ADAM18: variants seen among roughly 807,000 people sequenced by gnomAD.
ADAM18 encodes the protein disintegrin and metalloproteinase domain-containing protein 18.
In ADAM18, 117 loss-of-function variants were observed where a neutral mutation model predicts 94.4. The ratio of observed to expected loss-of-function variants is 1.24; its 90% CI spans 1.07 to 1.45. ADAM18 has a LOEUF of 1.45. Among genes scored for constraint, ADAM18 ranks in the 40% most tolerant of loss-of-function variants. ADAM18 has a pLI of 0.00. For synonymous variants in ADAM18, 327 were observed against 291.6 expected (o/e 1.12, Z -1.24); for missense variants, 936 against 880.0 (o/e 1.06, Z -0.81).
chr8:39,598,239 T>C (rs1171621719), intron 2 of ADAM18, among the ~76,000 whole-genome samples: 1 of 152,078 alleles, frequency 6.6e-6, no homozygotes, highest in African/African-American at 2.4e-5. Context: ...ATTTCTTTTT[T>C]CCCAATCTAG....
At chr8:39,600,450 T>C (rs1217303337) in intron 2 of ADAM18, among the ~76,000 whole-genome samples, 1 of 152,168 alleles carries the variant, frequency 6.6e-6, no homozygotes, top group Non-Finnish European at 1.5e-5. Flanking sequence ...TGGCATAAAA[T>C]AAGGTATATC....
rs1024930190 is a variant in ADAM18, at chr8:39,705,936, T to C, written c.1903-854T>C. On this transcript the variant is annotated intron_variant, in intron 17 of 19. Coordinates refer to ENST00000265707, the MANE Select transcript of ADAM18 (RefSeq NM_014237.3). ...ATTATTTGGTAAAAATCTATTAATG[T>C]ATATGTGTGTTTGTGGATGTGAGTA... Among the ~76,000 whole-genome samples the C allele has an allele frequency of 7.1e-4, 108 of 152,100 alleles. 1 individual carries two copies. Among genetic ancestry groups the C allele is most frequent in the Non-Finnish European group, 1.3e-4 (9 of 67,954 alleles).
intron 2 of ADAM18, among the ~76,000 whole-genome samples, chr8:39,595,187 G>A (rs889354099): frequency 6.6e-6 from 1 of 152,086 alleles, no homozygotes; most frequent in Non-Finnish European, 1.5e-5. Context: ...ACCCCATGCT[G>A]TGGTTGAGCC....
intron 12 of ADAM18, among the ~76,000 whole-genome samples, chr8:39,655,296 A>G (rs1373248871): frequency 6.6e-6 from 1 of 152,138 alleles, no homozygotes. Context: ...TTCTTTTCCC[A>G]GTGTATGTTG....
At chr8:39,601,149 C>A (rs1374168497) in intron 2 of ADAM18, among the ~76,000 whole-genome samples, 1 of 152,148 alleles carries the variant, frequency 6.6e-6, no homozygotes, top group Admixed American at 6.5e-5. Context: ...AAGAACAGCA[C>A]CAAAAGGGAA....
rs1042097565 is a variant in ADAM18 at position 39,636,096 on chromosome 8, G to A, written c.589-1168G>A. Among the ~76,000 whole-genome samples, 15 of 149,002 alleles carry A rather than the reference G, an allele frequency of 1.0e-4. No individual in the cohort carries two copies. In the East Asian group the frequency reaches 1.2e-3, roughly 12 times the overall value. ...TGCAGTGACAAAATCATAGCTCACC[G>A]CAATCTCGAACTTCTGGCCTCAACC... On this transcript the variant is annotated intron_variant, in intron 7 of 19. Coordinates refer to ENST00000265707, the MANE Select transcript of ADAM18 (RefSeq NM_014237.3).
chr8:39,670,544 G>C (rs892734266), intron 14 of ADAM18, among the ~76,000 whole-genome samples: 2 of 152,130 alleles, frequency 1.3e-5, no homozygotes, highest in African/African-American at 4.8e-5. Flanking sequence ...TGAAATATAA[G>C]TAGATTTGCT....
intron 2 of ADAM18, among the ~76,000 whole-genome samples, chr8:39,596,780 G>T (rs1818752358): frequency 6.6e-6 from 1 of 152,154 alleles, no homozygotes; most frequent in Admixed American, 6.5e-5. Flanking sequence ...CTATTATTTT[G>T]CATTTCTACA....
rs189144553 is a variant in ADAM18, at chr8:39,624,113, G to C, written c.523-5261G>C. Among the ~76,000 whole-genome samples the C allele has an allele frequency of 1.3e-4, 20 of 152,168 alleles. No individual in the cohort carries two copies. In the East Asian group the frequency reaches 3.9e-3, roughly 29 times the overall value. On this transcript the variant is annotated intron_variant, in intron 6 of 19. Coordinates refer to ENST00000265707, the MANE Select transcript of ADAM18 (RefSeq NM_014237.3). The stretch of plus-strand genomic sequence containing the variant: ...CTCCCCTTCTTTAGGTTGTCTGTTT[G>C]TTCTGATGATTACTTCTTTTTCTGT...
In ADAM18 at chr8:39,609,476, GT is replaced by G; in HGVS notation, c.268-4del. ...ATTTATATACTTGCCTTTCTATACT[GT>G]TTTTCAGATGCATTGCCATTACCAA... On this transcript the variant is annotated splice_region_variant and splice_polypyrimidine_tract_variant and intron_variant, in intron 4 of 19. Coordinates refer to ENST00000265707, the MANE Select transcript of ADAM18 (RefSeq NM_014237.3). 1 of 1,605,630 alleles carries G rather than the reference GT, an allele frequency of 6.2e-7. No individual in the cohort carries two copies. Among genetic ancestry groups the G allele is most frequent in the South Asian group, 1.1e-5 (1 of 90,356 alleles).
At chr8:39,680,596 C>T (rs1054445239) in intron 16 of ADAM18, among the ~76,000 whole-genome samples, 1 of 152,054 alleles carries the variant, frequency 6.6e-6, no homozygotes, top group Non-Finnish European at 1.5e-5. Context: ...TGTATCTGAT[C>T]AAAATATAAG....
intron 10 of ADAM18, among the ~76,000 whole-genome samples, chr8:39,643,831 A>G (rs1820304383): frequency 6.6e-6 from 1 of 150,762 alleles, no homozygotes; most frequent in Non-Finnish European, 1.5e-5. Context: ...GTGCAAGACC[A>G]TATTTCCCTC....
At chr8:39,651,495 G>A (rs919482538) in intron 12 of ADAM18, among the ~76,000 whole-genome samples, 5 of 152,180 alleles carry the variant, frequency 3.3e-5, no homozygotes, top group African/African-American at 1.2e-4. Context: ...CTGGGTACTT[G>A]AGATTAGGGA....
At chr8:39,710,988 A>G (rs1563316757) in intron 18 of ADAM18, among the ~76,000 whole-genome samples, 1 of 152,186 alleles carries the variant, frequency 6.6e-6, no homozygotes, top group African/African-American at 2.4e-5. Flanking sequence ...GCTCAGTGTA[A>G]AAGCAGTGCT....
intron 13 of ADAM18, among the ~76,000 whole-genome samples, chr8:39,664,422 T>C (rs1398883752): frequency 6.6e-6 from 1 of 152,172 alleles, no homozygotes; most frequent in African/African-American, 2.4e-5. Context: ...TGAGTGCCCA[T>C]AGATTTAATA....
intron 17 of ADAM18, among the ~76,000 whole-genome samples, chr8:39,699,733 GA>G (rs776280473): frequency 1.3e-5 from 2 of 152,160 alleles, no homozygotes; most frequent in African/African-American, 2.4e-5. Context: ...TGCAGGTGAT[GA>G]GGTTGTAGAG....
chr8:39,604,148 C>T lies in ADAM18; in HGVS notation c.133-2159C>T, dbSNP rs1818992221. Among the ~76,000 whole-genome samples, 3 of 152,330 alleles carry T rather than the reference C, an allele frequency of 2.0e-5. No homozygotes were observed. In the South Asian group the frequency reaches 6.2e-4, roughly 32 times the overall value. ...ACATTGCTTCTCTGCCAGGCTCTTACACTCATTTGATGTATCATCTTTGGA... is the reference window on the plus strand; with the variant it reads ...ACATTGCTTCTCTGCCAGGCTCTTATACTCATTTGATGTATCATCTTTGGA... On this transcript the variant is annotated intron_variant, in intron 2 of 19. Transcript: ENST00000265707.
chr8:39,637,661 A>T lies in ADAM18; in HGVS notation c.785A>T (p.Asp262Val). 4 of 1,612,396 alleles carry T rather than the reference A, an allele frequency of 2.5e-6. No homozygotes were observed. The highest frequency in any genetic ancestry group is 3.4e-6 in the Non-Finnish European group (4 of 1,179,054). The change falls in exon 9 of 20, where the codon GAC (aspartate) becomes GTC (valine). Residue 262 changes from aspartate to valine, a missense_variant. Asp to Val is a radical substitution (Grantham distance 152). Transcript: ENST00000265707. ...CAAAGATTTTTGGCATGGAAACGGG[A>T]CTATCTCATCCTACGGCCCCATGAC... Reference protein sequence around the residue: ...ILQRFLAWKRDYLILRPHDIA... With the variant: ...ILQRFLAWKRVYLILRPHDIA...
At chr8:39,604,233 CA>C (rs763869594) in intron 2 of ADAM18, among the ~76,000 whole-genome samples, 65 of 152,126 alleles carry the variant, frequency 4.3e-4, no homozygotes, top group Non-Finnish European at 8.4e-4. Flanking sequence ...TAAAAAATTA[CA>C]AAAAAACATA....
Sources: allele counts gnomAD v4.1 joint callset (sites outside exome capture counted in the v4.1 genomes callset), GRCh38; gene constraint gnomAD v4.1.1; transcripts MANE v1.5; gene names NCBI Gene and HGNC (gene_info 2026-07-23, HGNC 2026-07-21).